The following PTTG1IP2 variants were observed in gnomAD, a reference collection of about 807,000 sequenced individuals.
PTTG1IP2 encodes PTTG1IP family member 2.
intron 6 of PTTG1IP2, among the ~76,000 whole-genome samples, chr7:90,507,602 A>G (rs1182346601): frequency 6.6e-6 from 1 of 152,236 alleles, no homozygotes; most frequent in Non-Finnish European, 1.5e-5. Context: ...GCCATGAAGT[A>G]GAAGGAGCTC....
intron 6 of PTTG1IP2, among the ~76,000 whole-genome samples, chr7:90,507,563 G>A (rs1407447612): frequency 6.6e-6 from 1 of 152,024 alleles, no homozygotes; most frequent in Non-Finnish European, 1.5e-5. Context: ...TTGGGCTCTC[G>A]GGCAAGGGAA....
At chr7:90,507,452 A>G (rs775485107) in intron 6 of PTTG1IP2, among the ~76,000 whole-genome samples, 25 of 152,168 alleles carry the variant, frequency 1.6e-4, no homozygotes, top group Non-Finnish European at 2.8e-4. Context: ...TGATTACCTC[A>G]TCTGGAATAC....
intron 6 of PTTG1IP2, among the ~76,000 whole-genome samples, chr7:90,512,226 C>G (rs1447506463): frequency 6.6e-6 from 1 of 152,176 alleles, no homozygotes; most frequent in Non-Finnish European, 1.5e-5. Flanking sequence ...AGGCGATGCT[C>G]TCTGCCCTTG....
chr7:90,510,679 CA>C (rs1339581251), intron 6 of PTTG1IP2, among the ~76,000 whole-genome samples: 3 of 152,150 alleles, frequency 2.0e-5, no homozygotes, highest in Admixed American at 6.5e-5. Flanking sequence ...GAAGTTTCTC[CA>C]GTTCAAGAAC....
intron 1 of PTTG1IP2, among the ~76,000 whole-genome samples, chr7:90,474,517 A>G (rs1797725730): frequency 6.6e-6 from 1 of 152,216 alleles, no homozygotes; most frequent in Admixed American, 6.5e-5. Context: ...AGCAGCACTG[A>G]ATACAAAGAG....
chr7:90,486,884 G>C (rs1797880996), intron 2 of PTTG1IP2, among the ~76,000 whole-genome samples: 1 of 152,154 alleles, frequency 6.6e-6, no homozygotes, highest in South Asian at 2.1e-4. Context: ...ACAGACTCAG[G>C]GAAGATAAGC....
intron 1 of PTTG1IP2, among the ~76,000 whole-genome samples, chr7:90,470,600 T>C (rs757379842): frequency 1.3e-5 from 2 of 152,206 alleles, no homozygotes; most frequent in African/African-American, 4.8e-5. Flanking sequence ...AAAAGAATGT[T>C]AGTATCTGTA....
At chr7:90,489,723 G>A (rs1797917825) in intron 4 of PTTG1IP2, among the ~76,000 whole-genome samples, 1 of 151,832 alleles carries the variant, frequency 6.6e-6, no homozygotes, top group Admixed American at 6.5e-5. Context: ...TTGTATAAAT[G>A]TTGTTTAATA....
intron 6 of PTTG1IP2, among the ~76,000 whole-genome samples, chr7:90,499,426 A>G (rs1265947937): frequency 6.6e-6 from 1 of 152,080 alleles, no homozygotes; most frequent in Non-Finnish European, 1.5e-5. Context: ...AGAACATTTC[A>G]TTTTAAATCA....
chr7:90,489,511 A>G (rs1036107643), intron 4 of PTTG1IP2, among the ~76,000 whole-genome samples: 1 of 151,814 alleles, frequency 6.6e-6, no homozygotes. Context: ...CCTGTTACAC[A>G]TAAGAAAATT....
chr7:90,503,777 G>T (rs541334433), intron 6 of PTTG1IP2, among the ~76,000 whole-genome samples: 2 of 152,210 alleles, frequency 1.3e-5, no homozygotes, highest in African/African-American at 4.8e-5. Flanking sequence ...CATCATCATG[G>T]ATCACCATAA....
At chr7:90,497,742 A>AAAGAAG (rs1451241762) in intron 6 of PTTG1IP2, among the ~76,000 whole-genome samples, 187 of 135,634 alleles carry the variant, frequency 1.4e-3, no homozygotes, top group Non-Finnish European at 2.2e-3. Flanking sequence ...AAAAAAAAAA[A>AAAGAAG]AAGAAGAAGA....
At chr7:90,503,894 G>A (rs545208296) in intron 6 of PTTG1IP2, among the ~76,000 whole-genome samples, 130 of 152,284 alleles carry the variant, frequency 8.5e-4, no homozygotes, top group Non-Finnish European at 1.4e-3. Flanking sequence ...CGACACATTT[G>A]CCTGACACCA....
chr7:90,508,784 G>T (rs547471483), intron 6 of PTTG1IP2, among the ~76,000 whole-genome samples: 2 of 152,288 alleles, frequency 1.3e-5, no homozygotes, highest in Admixed American at 1.3e-4. Flanking sequence ...ATAGACAATG[G>T]TGCCACTTAC....
intron 6 of PTTG1IP2, among the ~76,000 whole-genome samples, chr7:90,494,985 G>A: frequency 6.6e-6 from 1 of 152,068 alleles, no homozygotes; most frequent in East Asian, 1.9e-4. Context: ...ATTTCAGCCT[G>A]GGTGACGACA....
intron 1 of PTTG1IP2, among the ~76,000 whole-genome samples, chr7:90,476,179 G>C (rs1335849632): frequency 2.0e-5 from 3 of 152,024 alleles, no homozygotes; most frequent in African/African-American, 4.8e-5. Context: ...ATTCAAGAAA[G>C]AGTAGTAAGC....
At position 90,483,603 on chromosome 7, in the gene PTTG1IP2, A is replaced by G. The variant is rs571759014; in HGVS notation, c.193-3724A>G. ...GAAGTACTTATTCTGTGCTTATTCTACCATTGCTTCCGTATCACACAGTGT... is the reference window on the plus strand; with the variant it reads ...GAAGTACTTATTCTGTGCTTATTCTGCCATTGCTTCCGTATCACACAGTGT... On this transcript the variant is annotated intron_variant, in intron 2 of 6. Coordinates refer to ENST00000509356, the MANE Select transcript of PTTG1IP2 (RefSeq NM_001365443.2). Among the ~76,000 whole-genome samples the G allele has an allele frequency of 2.6e-5, 4 of 152,258 alleles. No individual in the cohort carries two copies. The East Asian group carries it at 7.7e-4, about 29-fold the overall frequency.
At chr7:90,472,595 C>A (rs1374848033) in intron 1 of PTTG1IP2, among the ~76,000 whole-genome samples, 5 of 152,192 alleles carry the variant, frequency 3.3e-5, no homozygotes, top group African/African-American at 1.2e-4. Flanking sequence ...TTGTCACATA[C>A]TCTAAGCTTA....
chr7:90,475,680 GC>G (rs1264648662), intron 1 of PTTG1IP2, among the ~76,000 whole-genome samples: 1 of 152,172 alleles, frequency 6.6e-6, no homozygotes, highest in Non-Finnish European at 1.5e-5. Context: ...ATATCTTTGG[GC>G]CAGGCGTGGT....
Sources: gnomAD v4.1 joint callset for allele counts (sites outside exome capture counted in the v4.1 genomes callset) on GRCh38, gnomAD v4.1.1 for gene constraint, MANE v1.5 for transcripts, NCBI Gene and HGNC (gene_info 2026-07-23, HGNC 2026-07-21) for gene names.